The following COG6 variants were observed in gnomAD, a reference collection of about 807,000 sequenced individuals.
The protein encoded by COG6 is conserved oligomeric Golgi complex subunit 6.
COG6 carries 74 observed loss-of-function variants against 88.8 expected under a neutral mutation model. That is an observed-to-expected ratio of 0.83 (90% CI 0.69 to 1.01). The LOEUF is 1.01. Among genes scored for constraint, COG6 ranks in the 50% least tolerant of loss-of-function variants. The pLI is 0.00. For synonymous variants in COG6, 286 were observed against 278.7 expected, an observed-to-expected ratio of 1.03 and a Z score of -0.26; for missense variants, 800 against 797.9, an observed-to-expected ratio of 1.00 and a Z score of -0.03.
At chr13:39,764,860 G>T (rs531842130) in intron 18 of COG6, among the ~76,000 whole-genome samples, 15 of 152,162 alleles carry the variant, frequency 9.9e-5, no homozygotes, top group African/African-American at 2.9e-4. Flanking sequence ...TCTGCATATG[G>T]TAAAAGGATA....
intron 2 of COG6, among the ~76,000 whole-genome samples, chr13:39,660,297 G>A (rs887117029): frequency 3.9e-5 from 6 of 152,124 alleles, no homozygotes; most frequent in East Asian, 1.9e-4. Flanking sequence ...CTGGGCTCAC[G>A]CAATTCTCCC....
Position 39,655,889 on chromosome 13 carries a change from G to A in COG6, c.153+10G>A, listed in dbSNP as rs772718817. On this transcript the variant is annotated intron_variant, in intron 1 of 18. Coordinates refer to ENST00000455146, the MANE Select transcript of COG6 (RefSeq NM_020751.3). ...GCTGGACAACGACAAGGTAACCGGG[G>A]CTGGCGGGGCCGGAGTCACAGGTTC... 1.2e-5 allele frequency: 19 copies of A among 1,603,862 alleles called. No individual in the cohort carries two copies. In the South Asian group the frequency reaches 2.1e-4, roughly 18 times the overall value.
intron 18 of COG6, among the ~76,000 whole-genome samples, chr13:39,764,486 T>A (rs558679188): frequency 6.6e-6 from 1 of 152,074 alleles, no homozygotes; most frequent in South Asian, 2.1e-4. Flanking sequence ...TGTAATGTAT[T>A]CATTTAAATA....
rs367728831 is a variant in COG6 at position 39,752,303 on chromosome 13, A to G, written c.*1210A>G. ...ATTTGTAGAAGATTATGTGTTGTAT[A>G]TAACAAATTAGTATTTATAGAATAT... On this transcript the variant is annotated 3_prime_UTR_variant, in exon 19 of 19. Transcript: ENST00000455146. 59 of 841,738 alleles carry G rather than the reference A, an allele frequency of 7.0e-5. No homozygotes were observed. The East Asian group carries it at 1.1e-3, about 15-fold the overall frequency. 52.1% of individuals were successfully genotyped at this position (841,738 alleles called of 1,614,324 possible).
chr13:39,715,386 C>A lies in COG6; in HGVS notation c.1285-3850C>A, dbSNP rs553383097. 6.7e-4 allele frequency among the ~76,000 whole-genome samples: 102 copies of A among 151,990 alleles called. 1 individual carries two copies. The highest frequency in any genetic ancestry group is 2.4e-3 in the African/African-American group (101 of 41,462). On this transcript the variant is annotated intron_variant, in intron 13 of 18. Coordinates refer to ENST00000455146, the MANE Select transcript of COG6 (RefSeq NM_020751.3). ...TCTTAATCATACAAGGTTTGTAGTT[C>A]TACTAGAGCTGTACTCCTCATCTAG...
At chr13:39,753,807 T>A (rs1593475499), downstream of COG6, among the ~76,000 whole-genome samples, 2 of 152,196 alleles carry the variant, frequency 1.3e-5, no homozygotes, top group Admixed American at 1.3e-4. Context: ...ATGTTCATAG[T>A]ATTTTTAAAA....
At position 39,769,866 on chromosome 13, in the gene COG6, C is replaced by T. The variant is rs188056484; in HGVS notation, c.1827-18469C>T. On this transcript the variant is annotated intron_variant, in intron 18 of 18. Transcript: ENST00000416691. ...AAGGTCCCATCTTTGAAGCAGAGAACAAGCCCTCACCAGACTCTGAATCTG... is the reference window on the plus strand; with the variant it reads ...AAGGTCCCATCTTTGAAGCAGAGAATAAGCCCTCACCAGACTCTGAATCTG... Among the ~76,000 whole-genome samples, 8 of 152,316 alleles carry T rather than the reference C, an allele frequency of 5.3e-5. No individual in the cohort carries two copies. The East Asian group carries it at 1.4e-3, about 26-fold the overall frequency.
chr13:39,689,015 T>C (rs1421591659), intron 10 of COG6, among the ~76,000 whole-genome samples: 1 of 152,318 alleles, frequency 6.6e-6, no homozygotes, highest in East Asian at 1.9e-4. Flanking sequence ...AGTATCAAGA[T>C]TAGACTCAGC....
At chr13:39,732,432 G>C (rs572416271) in intron 18 of COG6, among the ~76,000 whole-genome samples, 3 of 152,118 alleles carry the variant, frequency 2.0e-5, no homozygotes, top group Admixed American at 2.0e-4. Context: ...CAAACCTAGA[G>C]AAAAAAATCA....
chr13:39,675,813 AG>A lies in COG6; in HGVS notation c.429-1653del, dbSNP rs767842896. Among the ~76,000 whole-genome samples, 268 of 152,272 alleles carry A rather than the reference AG, an allele frequency of 1.8e-3. 1 individual carries two copies. Among genetic ancestry groups the A allele is most frequent in the Middle Eastern group, 3.4e-3 (1 of 294 alleles). On this transcript the variant is annotated intron_variant, in intron 4 of 18. Transcript: ENST00000455146. ...CACATGGTTAATTTGCATAGTCTCA[AG>A]GAATTTGATGAAATTTTATAATTAC...
At chr13:39,745,371 C>T (rs916463673) in intron 18 of COG6, among the ~76,000 whole-genome samples, 1 of 152,024 alleles carries the variant, frequency 6.6e-6, no homozygotes, top group Non-Finnish European at 1.5e-5. Flanking sequence ...CCAGAATCTA[C>T]AAAGAACTTA....
chr13:39,730,684 G>A (rs1381688694), intron 18 of COG6, among the ~76,000 whole-genome samples: 1 of 135,288 alleles, frequency 7.4e-6, no homozygotes, highest in Non-Finnish European at 1.5e-5. Flanking sequence ...TGAGGCAGGA[G>A]AATCGCTTGA....
chr13:39,697,950 A>G (rs1877367220), intron 12 of COG6, among the ~76,000 whole-genome samples: 1 of 152,042 alleles, frequency 6.6e-6, no homozygotes, highest in Non-Finnish European at 1.5e-5. Flanking sequence ...GGAGAACTGT[A>G]TAAGAGAGTT....
rs777252999 is a variant in COG6, at chr13:39,689,711, C to A, written c.1010-49C>A. The A allele has an allele frequency of 3.0e-6, 4 of 1,334,566 alleles. No homozygotes were observed. The African/African-American group carries it at 5.8e-5, about 19-fold the overall frequency. 82.7% of individuals were successfully genotyped at this position (1,334,566 alleles called of 1,614,324 possible). ...GTTAGTTTTTTGAACTTATATGAAG[C>A]AAAGTATAATATGGAAACAAATATT... On this transcript the variant is annotated intron_variant, in intron 10 of 18. Coordinates refer to ENST00000455146, the MANE Select transcript of COG6 (RefSeq NM_020751.3).
At chr13:39,773,006 C>CA (rs1264832325) in intron 18 of COG6, among the ~76,000 whole-genome samples, 3 of 152,192 alleles carry the variant, frequency 2.0e-5, no homozygotes, top group Admixed American at 2.0e-4. Flanking sequence ...ATCAAACTGA[C>CA]AAGGTAGACC....
At chr13:39,723,277 C>G in intron 15 of COG6, 56 bp from the exon 16 acceptor site, 3 of 1,085,658 alleles carry the variant, frequency 2.8e-6, no homozygotes, top group Non-Finnish European at 2.8e-6. Context: ...GGCACTGCAT[C>G]TACTCTCATC....
intron 14 of COG6, 85 bp downstream of exon 14, chr13:39,719,452 T>C: frequency 7.3e-7 from 1 of 1,363,300 alleles, no homozygotes; most frequent in African/African-American, 1.4e-5. Context: ...GTAATTCATA[T>C]ACTTTGACAG....
At chr13:39,715,041 A>G (rs956022262) in intron 13 of COG6, among the ~76,000 whole-genome samples, 1 of 152,090 alleles carries the variant, frequency 6.6e-6, no homozygotes, top group Non-Finnish European at 1.5e-5. Context: ...ATAATGTACT[A>G]TGGAGACTCA....
intron 2 of COG6, 55 bp downstream of exon 2, chr13:39,659,562 T>C: frequency 6.8e-7 from 1 of 1,467,708 alleles, no homozygotes; most frequent in Non-Finnish European, 9.5e-7. Context: ...TACGCCTGGC[T>C]CTGTGCTAAG....
Sources: allele counts gnomAD v4.1 joint callset (sites outside exome capture counted in the v4.1 genomes callset), GRCh38; gene constraint gnomAD v4.1.1; transcripts MANE v1.5; gene names NCBI Gene and HGNC (gene_info 2026-07-23, HGNC 2026-07-21).